Variants in FER1L6 observed in about 807,000 individuals in gnomAD.
The protein encoded by FER1L6 is fer-1 like family member 6, also known as fer-1-like protein 6.
Under a neutral mutation model 219.2 loss-of-function variants are expected in FER1L6, and 177 were observed. The observed-to-expected ratio is 0.81, with a 90% CI of 0.71 to 0.91. FER1L6 has a LOEUF of 0.91. Ranked by LOEUF, FER1L6 falls within the 40% of genes least tolerant of loss-of-function variation. The pLI is 0.00. For synonymous variants in FER1L6, 768 were observed against 824.3 expected, an observed-to-expected ratio of 0.93 and a Z score of 1.17; for missense variants, 2,153 against 2,259.9, an observed-to-expected ratio of 0.95 and a Z score of 0.96.
chr8:124,118,692 AC>A (rs1823350171), intron 39 of FER1L6, 151 bp from the exon 40 acceptor site: 3 of 672,344 alleles, frequency 4.5e-6, no homozygotes, highest in South Asian at 4.0e-5. Flanking sequence ...TTCTCCCAGG[AC>A]CAAAAAAAGC....
At chr8:124,051,644 A>G (rs958177495) in intron 22 of FER1L6, among the ~76,000 whole-genome samples, 6 of 152,208 alleles carry the variant, frequency 3.9e-5, no homozygotes, top group African/African-American at 1.4e-4. Flanking sequence ...CTGGATAGAA[A>G]GGTAATTACT....
chr8:123,859,548 CTTTTTT>C (rs540137748), intron 1 of FER1L6, among the ~76,000 whole-genome samples: 14 of 134,114 alleles, frequency 1.0e-4, no homozygotes, highest in Non-Finnish European at 2.1e-4. Flanking sequence ...TGCTCTGTTT[CTTTTTT>C]TTTTTTTTTT....
rs1405326346 is a variant in FER1L6 at position 124,013,655 on chromosome 8, T to A, written c.1922+124T>A. 15 of 491,476 alleles carry A rather than the reference T, an allele frequency of 3.1e-5. No homozygotes were observed. The East Asian group carries it at 5.2e-4, about 17-fold the overall frequency. The allele number at this position is 491,476 out of a possible 1,614,324, so 30.4% of individuals were successfully genotyped here. A position where few individuals can be genotyped will look rare whatever the true frequency, so the allele number is the denominator to read the frequency against. ...GGTGTTTTAGAGTGCTGTATCCATC[T>A]TAATTTTGTTCAGTAATTTCACTCG... On this transcript the variant is annotated intron_variant, in intron 15 of 40. Coordinates refer to ENST00000522917, the MANE Select transcript of FER1L6 (RefSeq NM_001039112.2).
At chr8:124,088,570 T>C (rs997614652) in intron 33 of FER1L6, among the ~76,000 whole-genome samples, 3 of 151,732 alleles carry the variant, frequency 2.0e-5, no homozygotes, top group African/African-American at 7.3e-5. Context: ...GCAGAAGCAA[T>C]CTCTTCCTAT....
chr8:123,857,633 C>A (rs1026530606), intron 1 of FER1L6, among the ~76,000 whole-genome samples: 5 of 152,182 alleles, frequency 3.3e-5, no homozygotes, highest in African/African-American at 9.6e-5. Flanking sequence ...CTTCCTATCA[C>A]CCCTCCTGTT....
intron 2 of FER1L6, among the ~76,000 whole-genome samples, chr8:123,959,727 C>T (rs79169973): frequency 1.3e-5 from 2 of 152,168 alleles, no homozygotes; most frequent in Admixed American, 6.5e-5. Context: ...AAGGTGAGTC[C>T]CCTGGATCCC....
Position 123,853,161 on chromosome 8 carries a change from C to T in FER1L6, c.-8+976C>T, listed in dbSNP as rs986794005. Among the ~76,000 whole-genome samples, 5 of 151,830 alleles carry T rather than the reference C, an allele frequency of 3.3e-5. No homozygotes were observed. The highest frequency in any genetic ancestry group is 2.1e-4 in the South Asian group (1 of 4,802). ...GCCCACCCTCAGACTTTAAAATAGA[C>T]GAAATCTTTTTTTGAGACAGTCTCA... On this transcript the variant is annotated intron_variant, in intron 1 of 40. Transcript: ENST00000522917. The surrounding 1 kb of genome is among the most constrained non-coding windows in gnomAD (Gnocchi z 6.6).
chr8:124,027,699 A>G (rs1488684372), intron 18 of FER1L6, among the ~76,000 whole-genome samples: 1 of 152,222 alleles, frequency 6.6e-6, no homozygotes, highest in African/African-American at 2.4e-5. Flanking sequence ...AGCTAGGTCG[A>G]CAGGCATGTG....
At chr8:124,084,996 T>G (rs947940112) in intron 33 of FER1L6, among the ~76,000 whole-genome samples, 1 of 152,104 alleles carries the variant, frequency 6.6e-6, no homozygotes, top group Non-Finnish European at 1.5e-5. Context: ...GGTTGTATGT[T>G]TCTAGGAATT....
intron 29 of FER1L6, among the ~76,000 whole-genome samples, chr8:124,069,699 T>G (rs1820986166): frequency 6.6e-6 from 1 of 152,230 alleles, no homozygotes; most frequent in Admixed American, 6.5e-5. Flanking sequence ...TAACTTAAAT[T>G]GTTTAATGTG....
At chr8:124,077,338 T>C (rs1050759847) in intron 32 of FER1L6, among the ~76,000 whole-genome samples, 1 of 152,200 alleles carries the variant, frequency 6.6e-6, no homozygotes, top group Non-Finnish European at 1.5e-5. Context: ...ACATCTTTAG[T>C]GTGTTTAATT....
chr8:123,853,121 T>TAG lies in FER1L6; in HGVS notation c.-8+936_-8+937insAG. The stretch of plus-strand genomic sequence containing the variant: ...AGCCTTCCAAAGTGCTCGGATTACG[T>TAG]GCGTGAGCCACTGTGCCCACCCTCA... On this transcript the variant is annotated intron_variant, in intron 1 of 40. Coordinates refer to ENST00000522917, the MANE Select transcript of FER1L6 (RefSeq NM_001039112.2). The surrounding 1 kb of genome is among the most constrained non-coding windows in gnomAD (Gnocchi z 6.6). 6.6e-6 allele frequency among the ~76,000 whole-genome samples: 1 copy of TAG among 152,020 alleles called. No homozygotes were observed. The highest frequency in any genetic ancestry group is 2.4e-5 in the African/African-American group (1 of 41,372).
At chr8:123,919,484 TC>T (rs1213271847) in intron 1 of FER1L6, among the ~76,000 whole-genome samples, 1 of 152,190 alleles carries the variant, frequency 6.6e-6, no homozygotes, top group Admixed American at 6.5e-5. Flanking sequence ...CAGGTGCCCC[TC>T]AGTGCTTGCC....
chr8:124,068,078 C>T (rs1010584777), intron 28 of FER1L6, among the ~76,000 whole-genome samples: 10 of 152,068 alleles, frequency 6.6e-5, no homozygotes, highest in Non-Finnish European at 8.8e-5. Context: ...ATGTAGAAAC[C>T]GTAGAATAAA....
At chr8:123,983,849 A>G (rs1167336358) in intron 11 of FER1L6, among the ~76,000 whole-genome samples, 4 of 152,214 alleles carry the variant, frequency 2.6e-5, no homozygotes, top group Non-Finnish European at 5.9e-5. Flanking sequence ...TTTTGGGCAG[A>G]GATTTAATCT....
intron 1 of FER1L6, among the ~76,000 whole-genome samples, chr8:123,867,349 T>C (rs1030262219): frequency 6.6e-6 from 1 of 152,184 alleles, no homozygotes; most frequent in Non-Finnish European, 1.5e-5. Flanking sequence ...CCTGTTGATT[T>C]TGTAGGGATG....
chr8:124,036,314 A>G (rs556427696), intron 19 of FER1L6: 4 of 152,352 alleles, frequency 2.6e-5, no homozygotes, highest in Admixed American at 6.5e-5. Context: ...GGTTCTGGAA[A>G]TACATATCCA....
At chr8:124,055,007 A>G (rs1046768899) in intron 22 of FER1L6, among the ~76,000 whole-genome samples, 1 of 152,226 alleles carries the variant, frequency 6.6e-6, no homozygotes, top group African/African-American at 2.4e-5. Flanking sequence ...CAGTGTAGCC[A>G]TGGAAAGGAA....
intron 1 of FER1L6, among the ~76,000 whole-genome samples, chr8:123,943,286 T>C (rs963724885): frequency 3.9e-5 from 6 of 152,174 alleles, no homozygotes; most frequent in Admixed American, 6.5e-5. Flanking sequence ...ACCCAGGGCA[T>C]TGACACTGTC....
Sources: gnomAD v4.1 joint callset for allele counts (sites outside exome capture counted in the v4.1 genomes callset) on GRCh38, gnomAD v4.1.1 for gene constraint, Gnocchi (gnomAD v3.1) non-coding constraint, MANE v1.5 for transcripts, NCBI Gene and HGNC (gene_info 2026-07-23, HGNC 2026-07-21) for gene names.